The following CCDC85A variants were observed in gnomAD, a reference collection of about 807,000 sequenced individuals.
CCDC85A encodes coiled-coil domain containing 85A, also known as coiled-coil domain-containing protein 85A.
CCDC85A carries 38 observed loss-of-function variants against 50.2 expected under a neutral mutation model. The observed-to-expected ratio is 0.76, with a 90% CI of 0.58 to 0.99. The LOEUF (loss-of-function observed/expected upper bound fraction) is 0.99, where lower values mean the gene tolerates loss of function less well. CCDC85A is among the 50% of genes least tolerant of loss of function. The pLI, the probability that CCDC85A is intolerant of heterozygous loss-of-function variation, is 0.00. For synonymous variants in CCDC85A, 366 were observed against 301.4 expected, an observed-to-expected ratio of 1.21 and a Z score of -2.22; for missense variants, 820 against 742.0, an observed-to-expected ratio of 1.11 and a Z score of -1.22.
intron 2 of CCDC85A, among the ~76,000 whole-genome samples, chr2:56,279,444 C>T (rs963368073): frequency 1.3e-5 from 2 of 152,108 alleles, no homozygotes; most frequent in African/African-American, 4.8e-5. Context: ...CCTATTTCTC[C>T]CCTTCACCCC....
intron 2 of CCDC85A, among the ~76,000 whole-genome samples, chr2:56,286,406 A>G (rs944721290): frequency 6.6e-6 from 1 of 152,192 alleles, no homozygotes; most frequent in East Asian, 1.9e-4. Flanking sequence ...TTTTTAAAAA[A>G]TTTTTTTAAA....
intron 3 of CCDC85A, among the ~76,000 whole-genome samples, chr2:56,352,068 T>G (rs1674976767): frequency 6.6e-6 from 1 of 152,184 alleles, no homozygotes; most frequent in Non-Finnish European, 1.5e-5. Flanking sequence ...ACAAGGAGAT[T>G]TAGGCACTTT....
At chr2:56,340,990 C>T (rs1674338606) in intron 2 of CCDC85A, among the ~76,000 whole-genome samples, 1 of 151,708 alleles carries the variant, frequency 6.6e-6, no homozygotes, top group Admixed American at 6.6e-5. Context: ...ACTGTTTGAC[C>T]TTTTGACTTG....
chr2:56,351,313 C>G (rs968400460), intron 3 of CCDC85A, among the ~76,000 whole-genome samples: 1 of 151,228 alleles, frequency 6.6e-6, no homozygotes, highest in Non-Finnish European at 1.5e-5. Flanking sequence ...AATAAACATA[C>G]GTGTGCATGT....
intron 3 of CCDC85A, among the ~76,000 whole-genome samples, chr2:56,347,092 A>G (rs973874109): frequency 6.6e-6 from 1 of 152,230 alleles, no homozygotes; most frequent in Non-Finnish European, 1.5e-5. Flanking sequence ...GTTTTGTATC[A>G]AAATAAAAAG....
chr2:56,357,494 A>G (rs1157440140), intron 3 of CCDC85A, among the ~76,000 whole-genome samples: 2 of 152,106 alleles, frequency 1.3e-5, no homozygotes, highest in African/African-American at 4.8e-5. Context: ...AAGTACTTTT[A>G]TTGCCTTATT....
intron 5 of CCDC85A, among the ~76,000 whole-genome samples, chr2:56,382,253 C>T (rs981566013): frequency 1.3e-5 from 2 of 151,812 alleles, no homozygotes; most frequent in Admixed American, 1.3e-4. Flanking sequence ...AATTATATGC[C>T]TTTATAATAA....
intron 2 of CCDC85A, among the ~76,000 whole-genome samples, chr2:56,282,541 C>T (rs1671250104): frequency 6.6e-6 from 1 of 152,176 alleles, no homozygotes; most frequent in Admixed American, 6.5e-5. Flanking sequence ...TGGAGTCTAG[C>T]TGTTGTTGCC....
intron 3 of CCDC85A, among the ~76,000 whole-genome samples, chr2:56,361,633 A>G (rs935565355): frequency 6.6e-6 from 1 of 152,218 alleles, no homozygotes; most frequent in East Asian, 1.9e-4. Flanking sequence ...GGAAGTGGGA[A>G]CAGCAAGGAT....
At chr2:56,193,513 T>C (rs1391473628) in intron 2 of CCDC85A, 73 bp downstream of exon 2, 4 of 1,458,888 alleles carry the variant, frequency 2.7e-6, no homozygotes, top group Non-Finnish European at 2.7e-6. Context: ...TGATGGACTT[T>C]CCAGCCATGT....
chr2:56,322,656 G>C (rs1188157088), intron 2 of CCDC85A, among the ~76,000 whole-genome samples: 1 of 152,170 alleles, frequency 6.6e-6, no homozygotes, highest in Non-Finnish European at 1.5e-5. Context: ...AGGTGCTGGA[G>C]AGGATGTGGA....
intron 2 of CCDC85A, among the ~76,000 whole-genome samples, chr2:56,321,163 G>A (rs1381008413): frequency 6.6e-6 from 1 of 152,084 alleles, no homozygotes; most frequent in African/African-American, 2.4e-5. Flanking sequence ...AGCTATTTAT[G>A]ACAAACCCAC....
At chr2:56,258,959 A>G (rs1670103468) in intron 2 of CCDC85A, among the ~76,000 whole-genome samples, 1 of 152,196 alleles carries the variant, frequency 6.6e-6, no homozygotes, top group South Asian at 2.1e-4. Context: ...AAAGTTTAGG[A>G]TAATTGCTGA....
intron 2 of CCDC85A, among the ~76,000 whole-genome samples, chr2:56,312,503 GC>G (rs1672741730): frequency 6.6e-6 from 1 of 152,038 alleles, no homozygotes; most frequent in African/African-American, 2.4e-5. Flanking sequence ...CATGTATGCT[GC>G]CCATAATACA....
chr2:56,322,072 G>T (rs910932517), intron 2 of CCDC85A, among the ~76,000 whole-genome samples: 3 of 152,124 alleles, frequency 2.0e-5, no homozygotes, highest in Admixed American at 6.5e-5. Flanking sequence ...AATGTTGCTG[G>T]GAAAACTGGC....
At chr2:56,218,354 A>G (rs553110291) in intron 2 of CCDC85A, among the ~76,000 whole-genome samples, 8 of 151,948 alleles carry the variant, frequency 5.3e-5, no homozygotes, top group Non-Finnish European at 7.4e-5. Flanking sequence ...AATTTTGCCA[A>G]TAGTAATAGG....
chr2:56,326,196 G>A (rs1673463186), intron 2 of CCDC85A, among the ~76,000 whole-genome samples: 1 of 152,068 alleles, frequency 6.6e-6, no homozygotes, highest in Non-Finnish European at 1.5e-5. Context: ...AGAAATTGCA[G>A]CCTACGTGAC....
chr2:56,263,104 G>A (rs1239730369), intron 2 of CCDC85A, among the ~76,000 whole-genome samples: 3 of 152,180 alleles, frequency 2.0e-5, no homozygotes, highest in Non-Finnish European at 2.9e-5. Context: ...TAAGTAGAGT[G>A]TGTAAAACGT....
At chr2:56,285,990 T>C (rs1461096567) in intron 2 of CCDC85A, among the ~76,000 whole-genome samples, 1 of 152,162 alleles carries the variant, frequency 6.6e-6, no homozygotes, top group African/African-American at 2.4e-5. Flanking sequence ...GGGTATAGAA[T>C]TTTGGGTTGA....
Sources: allele counts gnomAD v4.1 joint callset (sites outside exome capture counted in the v4.1 genomes callset), GRCh38; gene constraint gnomAD v4.1.1; transcripts MANE v1.5; gene names NCBI Gene and HGNC (gene_info 2026-07-23, HGNC 2026-07-21).